Variants in PIP4K2B observed in about 807,000 individuals in gnomAD.
PIP4K2B encodes phosphatidylinositol 5-phosphate 4-kinase type-2 beta.
Under a neutral mutation model 42.0 loss-of-function variants are expected in PIP4K2B, and 3 were observed. That is an observed-to-expected ratio of 0.07 (90% CI 0.03 to 0.18). The LOEUF (loss-of-function observed/expected upper bound fraction) is 0.18, where lower values mean the gene tolerates loss of function less well. PIP4K2B is among the 10% of genes least tolerant of loss of function. The pLI, the probability that PIP4K2B is intolerant of heterozygous loss-of-function variation, is 1.00. For synonymous variants in PIP4K2B, 204 were observed against 210.1 expected (o/e 0.97, Z 0.25); for missense variants, 332 against 562.3 (o/e 0.59, Z 4.14).
At chr17:38,780,404 C>G (rs1909630018) in intron 4 of PIP4K2B, 48 bp downstream of exon 4, 1 of 1,540,922 alleles carries the variant, frequency 6.5e-7, no homozygotes, top group East Asian at 2.3e-5. Flanking sequence ...GCTCTCTTCT[C>G]CCTCTTCCAA....
chr17:38,780,558 C>T lies in PIP4K2B; in HGVS notation c.401G>A (p.Arg134Gln), dbSNP rs771312314. 3 of 1,613,638 alleles carry T rather than the reference C, an allele frequency of 1.9e-6. No individual in the cohort carries two copies. The highest frequency in any genetic ancestry group is 1.7e-6 in the Non-Finnish European group (2 of 1,179,570). ...SAPINSDSQG[R>Q]CGTRFLTTYD... ...GGTGGTGAGGAAACGCGTGCCACAC[C>T]GACCCTGGCTGTCACTGTTGATGGG... Residue 134 changes from arginine (R) to glutamine (Q), a missense_variant, in exon 4 of 10, where the codon CGG (arginine) becomes CAG (glutamine). Arg to Gln is a conservative substitution (Grantham distance 43). Around this residue, in one of 6 missense-constraint regions of PIP4K2B, gnomAD observed 186 missense variants for 288.4 expected, o/e 0.64. Coordinates refer to ENST00000619039, the MANE Select transcript of PIP4K2B (RefSeq NM_003559.5).
chr17:38,774,122 A>C (rs943731731), intron 7 of PIP4K2B, among the ~76,000 whole-genome samples: 2 of 152,226 alleles, frequency 1.3e-5, no homozygotes, highest in Admixed American at 6.5e-5. Context: ...GGTGGAAGCA[A>C]CCTAAGTGTG....
At chr17:38,791,987 T>G (rs1910367607) in intron 1 of PIP4K2B, among the ~76,000 whole-genome samples, 1 of 151,432 alleles carries the variant, frequency 6.6e-6, no homozygotes, top group Non-Finnish European at 1.5e-5. Flanking sequence ...TCCCAGCTAC[T>G]CGGGAGGCTG....
intron 7 of PIP4K2B, among the ~76,000 whole-genome samples, chr17:38,775,159 T>G (rs1345770224): frequency 6.6e-6 from 1 of 152,110 alleles, no homozygotes; most frequent in Non-Finnish European, 1.5e-5. Context: ...TTCACCGTGT[T>G]AGCCAGGATG....
chr17:38,771,890 C>T (rs986056238), intron 7 of PIP4K2B, among the ~76,000 whole-genome samples: 5 of 152,080 alleles, frequency 3.3e-5, no homozygotes, highest in African/African-American at 9.7e-5. Flanking sequence ...ATTGGCTGGG[C>T]GTGGCAGTGC....
chr17:38,767,261 G>A lies in PIP4K2B; in HGVS notation c.*2430C>T, dbSNP rs1908753379. 2 of 152,040 alleles carry A rather than the reference G, an allele frequency of 1.3e-5. No homozygotes were observed. Among genetic ancestry groups the A allele is most frequent in the African/African-American group, 4.8e-5 (2 of 41,382 alleles). The allele number at this position is 152,040 out of a possible 1,614,324, so 9.4% of individuals were successfully genotyped here. A position where few individuals can be genotyped will look rare whatever the true frequency, so the allele number is the denominator to read the frequency against. ...CTACATTCAAACTGCAGACCAAATAGAATACCATGACAAAAAGAAGAGAAA... is the reference window on the plus strand; with the variant it reads ...CTACATTCAAACTGCAGACCAAATAAAATACCATGACAAAAAGAAGAGAAA... On this transcript the variant is annotated 3_prime_UTR_variant, in exon 10 of 10. Coordinates refer to ENST00000619039, the MANE Select transcript of PIP4K2B (RefSeq NM_003559.5).
intron 1 of PIP4K2B, among the ~76,000 whole-genome samples, chr17:38,790,969 G>A (rs766828426): frequency 6.6e-6 from 1 of 151,992 alleles, no homozygotes; most frequent in South Asian, 2.1e-4. Context: ...TATCTGCTAC[G>A]TGCTTCATTC....
intron 1 of PIP4K2B, 59 bp from the exon 2 acceptor site, chr17:38,786,979 T>G (rs1910054154): frequency 9.8e-7 from 1 of 1,023,190 alleles, no homozygotes. Flanking sequence ...TCAGAGACAC[T>G]AAGCTACAAT....
At chr17:38,771,403 G>A (rs1909033050) in intron 7 of PIP4K2B, 131 bp from the exon 8 acceptor site, 1 of 1,076,996 alleles carries the variant, frequency 9.3e-7, no homozygotes, top group Non-Finnish European at 1.3e-6. Flanking sequence ...TCAACAGAGA[G>A]TAAGGCATCA....
At chr17:38,797,333 A>C (rs1910706634) in intron 1 of PIP4K2B, among the ~76,000 whole-genome samples, 1 of 152,122 alleles carries the variant, frequency 6.6e-6, no homozygotes, top group Admixed American at 6.6e-5. Flanking sequence ...TGCATCACAC[A>C]CACTCCCAGG....
At position 38,784,260 on chromosome 17, in the gene PIP4K2B, C is replaced by T. The variant is rs1338197558; in HGVS notation, c.337G>A (p.Asp113Asn). ...FRNLRERFGI[D>N]DQDYQNSVTR... is the part of the protein sequence containing the mutation. ...CTCCATACCTGGTAATCCTGATCAT[C>T]AATTCCAAACCTCTCCCGAAGGTTT... The change falls in exon 3 of 10, where the codon GAT becomes AAT. Residue 113 changes from aspartate to asparagine, a missense_variant. Asp to Asn is a conservative substitution (Grantham distance 23). This residue lies in a region of PIP4K2B where 186 missense variants were observed against 288.4 expected (regional missense o/e 0.64). Transcript: ENST00000619039. The T allele has an allele frequency of 6.2e-7, 1 of 1,610,790 alleles. No individual in the cohort carries two copies. Among genetic ancestry groups the T allele is most frequent in the Non-Finnish European group, 8.5e-7 (1 of 1,177,056 alleles).
At position 38,786,813 on chromosome 17, in the gene PIP4K2B, G is replaced by A. The variant is rs750946383; in HGVS notation, c.257+10C>T. The A allele has an allele frequency of 6.4e-7, 1 of 1,572,294 alleles. No homozygotes were observed. Reference sequence around the variant, plus strand: ...CCACAAAACCTGAGTCCACTCAGTAGACAACTTACTTATTGAAGAGATGAT... The same window carrying A: ...CCACAAAACCTGAGTCCACTCAGTAAACAACTTACTTATTGAAGAGATGAT... On this transcript the variant is annotated intron_variant, in intron 2 of 9. Transcript: ENST00000619039.
At position 38,782,519 on chromosome 17, in the gene PIP4K2B, TC is replaced by T. The variant is rs911307066; in HGVS notation, c.354+1723del. Reference sequence around the variant, plus strand: ...AGTGGCAAGAAGTTTCCAGAAAACCTCCAGCCCCAGTCAAGTCATGATTGAG... The same window carrying T: ...AGTGGCAAGAAGTTTCCAGAAAACCTCAGCCCCAGTCAAGTCATGATTGAG... On this transcript the variant is annotated intron_variant, in intron 3 of 9. Transcript: ENST00000619039. Among the ~76,000 whole-genome samples the T allele has an allele frequency of 3.9e-5, 6 of 152,132 alleles. No individual in the cohort carries two copies. In the East Asian group the frequency reaches 9.6e-4, roughly 24 times the overall value.
At chr17:38,795,929 A>T (rs1442422508) in intron 1 of PIP4K2B, among the ~76,000 whole-genome samples, 3 of 152,120 alleles carry the variant, frequency 2.0e-5, no homozygotes, top group African/African-American at 7.2e-5. Context: ...ACCTGAGGTC[A>T]GGAGTTTGAG....
intron 7 of PIP4K2B, chr17:38,776,635 A>C (rs898944527): frequency 6.7e-6 from 3 of 445,218 alleles, no homozygotes; most frequent in Admixed American, 2.5e-5. Context: ...CCTAAAAAAA[A>C]ACAAAACAAA....
intron 2 of PIP4K2B, 93 bp downstream of exon 2, chr17:38,786,730 C>T (rs1910034545): frequency 6.1e-6 from 5 of 818,058 alleles, no homozygotes; most frequent in Non-Finnish European, 1.1e-5. Flanking sequence ...CCAGGTGCTG[C>T]CTTGGCTCCC....
intron 9 of PIP4K2B, among the ~76,000 whole-genome samples, chr17:38,770,131 C>T (rs75267952): frequency 0.048 from 7,357 of 152,272 alleles, 286 homozygotes; most frequent in African/African-American, 0.11. Flanking sequence ...AGCTATTACT[C>T]GCCCTTCAAC....
intron 1 of PIP4K2B, among the ~76,000 whole-genome samples, chr17:38,792,532 T>C (rs889618377): frequency 6.6e-6 from 1 of 152,214 alleles, no homozygotes; most frequent in Non-Finnish European, 1.5e-5. Context: ...TCTGGTGAAC[T>C]TGTGTGTCCA....
chr17:38,789,830 T>C (rs1399742725), intron 1 of PIP4K2B, among the ~76,000 whole-genome samples: 1 of 151,928 alleles, frequency 6.6e-6, no homozygotes, highest in Non-Finnish European at 1.5e-5. Context: ...AGACACTAGG[T>C]AAACTGCTGG....
Sources: gnomAD v4.1 joint callset for allele counts (sites outside exome capture counted in the v4.1 genomes callset) on GRCh38, gnomAD v4.1.1 for gene constraint, gnomAD v4.1.1 regional missense constraint, MANE v1.5 for transcripts, NCBI Gene and HGNC (gene_info 2026-07-23, HGNC 2026-07-21) for gene names.